Variants in BLTP1 observed in about 807,000 individuals in gnomAD.
The protein encoded by BLTP1 is bridge-like lipid transfer protein family member 1, also known as fragile site-associated protein.
the BLTP1 span, chr4:122,208,154 A>G: frequency 2.1e-6 from 2 of 954,626 alleles, no homozygotes; most frequent in African/African-American, 3.5e-5. Context: ...AGAAACAGCT[A>G]ACATCTATTA....
the BLTP1 span, chr4:122,240,214 A>T: frequency 6.2e-7 from 1 of 1,614,184 alleles, no homozygotes; most frequent in Non-Finnish European, 8.5e-7. Flanking sequence ...ACTCAGTTCC[A>T]GGTAATTAAT....
At chr4:122,299,705 G>C in the BLTP1 span, 1 of 680,208 alleles carries the variant, frequency 1.5e-6, no homozygotes, top group African/African-American at 2.0e-5. Flanking sequence ...TGATAGCTGG[G>C]TTGGGGGGGT....
At chr4:122,322,075 A>G in the BLTP1 span, among the ~76,000 whole-genome samples, 1 of 137,860 alleles carries the variant, frequency 7.3e-6, no homozygotes, top group Non-Finnish European at 1.5e-5. Flanking sequence ...GCATCTGACA[A>G]CAATTTGAGA....
chr4:122,166,117 C>T, the BLTP1 span, among the ~76,000 whole-genome samples: 1 of 152,112 alleles, frequency 6.6e-6, no homozygotes, highest in Non-Finnish European at 1.5e-5. Context: ...GTTGCCATTG[C>T]TTTTGGTATT....
chr4:122,224,738 C>T, the BLTP1 span: 16 of 1,612,278 alleles, frequency 9.9e-6, no homozygotes, highest in Non-Finnish European at 1.4e-5. Context: ...TACCCACCTT[C>T]TCAAGAATAA....
At chr4:122,261,364 T>C in the BLTP1 span, 1 of 984,636 alleles carries the variant, frequency 1.0e-6, no homozygotes, top group Non-Finnish European at 1.2e-6. Context: ...ATTCTTTTGC[T>C]ATGGGTTATT....
the BLTP1 span, chr4:122,237,708 T>C: frequency 1.8e-6 from 1 of 554,472 alleles, no homozygotes; most frequent in Non-Finnish European, 2.3e-6. Flanking sequence ...AATTAGTCAC[T>C]TGTGCTTTTT....
At chr4:122,292,214 G>A in the BLTP1 span, 33 of 301,344 alleles carry the variant, frequency 1.1e-4, no homozygotes, top group Admixed American at 1.9e-4. Flanking sequence ...TGTGATCTGC[G>A]TGCCTTGGCT....
chr4:122,299,222 TAAAG>T, the BLTP1 span: 14 of 862,988 alleles, frequency 1.6e-5, no homozygotes, highest in East Asian at 7.3e-4. Context: ...CAAAATGTGA[TAAAG>T]AACTTAGAAG....
chr4:122,232,059 C>T, the BLTP1 span: 19 of 985,178 alleles, frequency 1.9e-5, no homozygotes, highest in South Asian at 4.7e-5. Context: ...GAGCAAGGTG[C>T]GAATGGAACT....
the BLTP1 span, chr4:122,152,828 G>C: frequency 2.7e-6 from 1 of 368,668 alleles, no homozygotes. Context: ...TTTGATACAG[G>C]AGCAGTTCCT....
At chr4:122,320,509 C>G in the BLTP1 span, among the ~76,000 whole-genome samples, 5 of 152,004 alleles carry the variant, frequency 3.3e-5, no homozygotes, top group Admixed American at 1.3e-4. Flanking sequence ...AAGACTAGAC[C>G]CCTTTATCAT....
At chr4:122,212,064 T>G in the BLTP1 span, 2 of 984,556 alleles carry the variant, frequency 2.0e-6, no homozygotes, top group Admixed American at 1.2e-4. Context: ...GTACAGTAAT[T>G]AATTCTGGAG....
At chr4:122,305,054 CTT>C in the BLTP1 span, 2 of 1,385,716 alleles carry the variant, frequency 1.4e-6, no homozygotes, top group South Asian at 1.6e-5. Flanking sequence ...ACTACTGTAA[CTT>C]ATGTATTATT....
chr4:122,247,563 A>G, the BLTP1 span: 1 of 1,091,016 alleles, frequency 9.2e-7, no homozygotes, highest in Non-Finnish European at 1.2e-6. Context: ...AACTTTGGTA[A>G]GAAAATTAAG....
the BLTP1 span, chr4:122,244,103 T>G: frequency 7.1e-7 from 1 of 1,402,182 alleles, no homozygotes; most frequent in Non-Finnish European, 9.4e-7. Context: ...ATATGTGATA[T>G]GTTCGTGTAG....
the BLTP1 span, chr4:122,341,930 A>G: frequency 3.7e-6 from 2 of 541,948 alleles, no homozygotes; most frequent in Non-Finnish European, 4.7e-6. Context: ...AAATGCACGA[A>G]GAAGAAACAG....
chr4:122,356,819 A>T, the BLTP1 span: 2 of 1,565,632 alleles, frequency 1.3e-6, no homozygotes, highest in Non-Finnish European at 1.7e-6. Context: ...CATTTACATG[A>T]ATTGTTATGG....
the BLTP1 span, chr4:122,187,355 T>C: frequency 6.3e-7 from 1 of 1,578,472 alleles, no homozygotes; most frequent in Middle Eastern, 1.7e-4. Context: ...TGAGGTATGG[T>C]ATTGTGAGGA....
Sources: allele counts gnomAD v4.1 joint callset (sites outside exome capture counted in the v4.1 genomes callset), GRCh38; gene constraint gnomAD v4.1.1; transcripts MANE v1.5; gene names NCBI Gene and HGNC (gene_info 2026-07-23, HGNC 2026-07-21).